Variants in RAB37 observed in about 807,000 individuals in gnomAD.
RAB37 encodes the protein RAB37, member RAS oncogene family.
In RAB37, 29 loss-of-function variants were observed where a neutral mutation model predicts 33.1. The ratio of observed to expected loss-of-function variants is 0.88; its 90% confidence interval spans 0.65 to 1.20. The LOEUF is 1.20. RAB37 is among the 50% of genes most tolerant of loss of function. RAB37 has a pLI of 0.00. For missense variants in RAB37, 299 were observed against 301.1 expected, an observed-to-expected ratio of 0.99 and a Z score of 0.05; for synonymous variants, 128 against 119.5, an observed-to-expected ratio of 1.07 and a Z score of -0.47.
At chr17:74,683,213 G>A (rs1344506943) in intron 1 of RAB37, among the ~76,000 whole-genome samples, 1 of 152,220 alleles carries the variant, frequency 6.6e-6, no homozygotes, top group African/African-American at 2.4e-5. Flanking sequence ...TATTGGGGCT[G>A]CAGAGCCAGA....
chr17:74,723,403 C>T (rs1301461094), intron 1 of RAB37, among the ~76,000 whole-genome samples: 2 of 123,146 alleles, frequency 1.6e-5, no homozygotes, highest in Non-Finnish European at 3.2e-5. Flanking sequence ...CAGGCAATTT[C>T]TTGAACTGCC....
At chr17:74,732,698 T>C (rs2034404802), upstream of RAB37, among the ~76,000 whole-genome samples, 1 of 100,924 alleles carries the variant, frequency 9.9e-6, no homozygotes, top group South Asian at 3.2e-4. Context: ...TATGGTGTGA[T>C]TTGAGGGGTG....
chr17:74,676,948 C>T lies in RAB37; in HGVS notation c.72+5290C>T, dbSNP rs573998635. Among the ~76,000 whole-genome samples, 13 of 152,050 alleles carry T rather than the reference C, an allele frequency of 8.5e-5. No homozygotes were observed. In the East Asian group the frequency reaches 1.9e-3, roughly 23 times the overall value. ...CAGGTGGATCATGAGGTCAGGAATT[C>T]GAGACCAGCTTGGCCAACATGGTGA... On this transcript the variant is annotated intron_variant, in intron 1 of 7. Transcript: ENST00000340415. The surrounding 1 kb of genome is among the most constrained non-coding windows in gnomAD (Gnocchi z 4.1).
chr17:74,697,995 A>T (rs571328656), intron 1 of RAB37, among the ~76,000 whole-genome samples: 1 of 152,228 alleles, frequency 6.6e-6, no homozygotes, highest in East Asian at 1.9e-4. Context: ...ATGTCAGCTC[A>T]GTACCTCCTT....
intron 1 of RAB37, among the ~76,000 whole-genome samples, chr17:74,719,386 G>A (rs1298906857): frequency 6.6e-6 from 1 of 152,152 alleles, no homozygotes; most frequent in Non-Finnish European, 1.5e-5. Flanking sequence ...GAGAGGTCGA[G>A]GCTGCAGTGA....
intron 1 of RAB37, chr17:74,704,947 G>A (rs533580183): frequency 7.5e-5 from 55 of 735,518 alleles, no homozygotes; most frequent in East Asian, 2.2e-4. Context: ...TACACCTTCC[G>A]CAGACAAAAC....
In RAB37 at chr17:74,745,246, G is replaced by A. The variant is rs1438640929; in HGVS notation, c.567-60G>A. On this transcript the variant is annotated intron_variant, in intron 8 of 8. Coordinates refer to ENST00000392613, the MANE Select transcript of RAB37 (RefSeq NM_001006638.3). This position sits in a 1 kb window ranked among gnomAD's most constrained non-coding sequence, Gnocchi z 4.5. ...GGGCCACTGGGAGAGGGGAGGGGGCGGCTCAGCTCCTCACCCCAGCCCAGC... is the reference window on the plus strand; with the variant it reads ...GGGCCACTGGGAGAGGGGAGGGGGCAGCTCAGCTCCTCACCCCAGCCCAGC... 9 of 1,561,080 alleles carry A rather than the reference G, an allele frequency of 5.8e-6. No individual in the cohort carries two copies. Among genetic ancestry groups the A allele is most frequent in the African/African-American group, 2.7e-5 (2 of 73,840 alleles).
At chr17:74,696,346 G>A (rs2032475372) in intron 1 of RAB37, 1 of 924,614 alleles carries the variant, frequency 1.1e-6, no homozygotes, top group Admixed American at 2.9e-5. Flanking sequence ...CAGGGACCTG[G>A]TTCTAATTCT....
At chr17:74,697,880 T>A (rs2032649199) in intron 1 of RAB37, among the ~76,000 whole-genome samples, 2 of 152,158 alleles carry the variant, frequency 1.3e-5, no homozygotes, top group Non-Finnish European at 2.9e-5. Flanking sequence ...TGTAATGTGA[T>A]GAGTGCACAT....
chr17:74,742,867 C>A lies in RAB37; in HGVS notation c.247-262C>A, dbSNP rs941887816. Among the ~76,000 whole-genome samples, 2 of 152,048 alleles carry A rather than the reference C, an allele frequency of 1.3e-5. No homozygotes were observed. The highest frequency in any genetic ancestry group is 2.9e-5 in the Non-Finnish European group (2 of 68,008). On this transcript the variant is annotated intron_variant, in intron 3 of 8. Coordinates refer to ENST00000392613, the MANE Select transcript of RAB37 (RefSeq NM_001006638.3). This position sits in a 1 kb window ranked among gnomAD's most constrained non-coding sequence, Gnocchi z 4.0. ...GTCTGGATCTCCTGACCTCGTGATCCGCCTGCCTCGGCCTCCCAAAGTGCT... is the reference window on the plus strand; with the variant it reads ...GTCTGGATCTCCTGACCTCGTGATCAGCCTGCCTCGGCCTCCCAAAGTGCT...
At chr17:74,739,136 G>A (rs1300635489) in intron 1 of RAB37, among the ~76,000 whole-genome samples, 2 of 152,154 alleles carry the variant, frequency 1.3e-5, no homozygotes, top group African/African-American at 4.8e-5. Context: ...ATGCCTTTGG[G>A]CTCCACTGTC....
At chr17:74,723,399 A>AT (rs1213379435) in intron 1 of RAB37, among the ~76,000 whole-genome samples, 2 of 150,688 alleles carry the variant, frequency 1.3e-5, no homozygotes, top group Non-Finnish European at 3.0e-5. Flanking sequence ...TTTTCAGGCA[A>AT]TTTCTTGAAC....
intron 1 of RAB37, chr17:74,698,649 AT>A: frequency 6.9e-7 from 1 of 1,459,014 alleles, no homozygotes; most frequent in African/African-American, 1.4e-5. Context: ...TGGGTTTACA[AT>A]GAGTACACAT....
At chr17:74,708,493 T>C (rs972743294) in intron 1 of RAB37, among the ~76,000 whole-genome samples, 6 of 152,304 alleles carry the variant, frequency 3.9e-5, no homozygotes, top group Non-Finnish European at 8.8e-5. Context: ...CAAATATCAC[T>C]CATTAACATA....
rs531476809 is a variant in RAB37, at chr17:74,729,637, G to T, written c.183+271G>T. Among the ~76,000 whole-genome samples, 4 of 152,078 alleles carry T rather than the reference G, an allele frequency of 2.6e-5. No homozygotes were observed. The East Asian group carries it at 7.8e-4, about 30-fold the overall frequency. On this transcript the variant is annotated intron_variant, in intron 2 of 7. Transcript: ENST00000340415. This position sits in a 1 kb window ranked among gnomAD's most constrained non-coding sequence, Gnocchi z 4.2. ...AACCCAGGGACAAAGCAGGCTGCTGGGTGAGCTGCCTGGCAGGAGCTGCGT... is the reference window on the plus strand; with the variant it reads ...AACCCAGGGACAAAGCAGGCTGCTGTGTGAGCTGCCTGGCAGGAGCTGCGT...
chr17:74,701,145 TA>T (rs2033016248), intron 1 of RAB37, among the ~76,000 whole-genome samples: 1 of 152,226 alleles, frequency 6.6e-6, no homozygotes, highest in Non-Finnish European at 1.5e-5. Flanking sequence ...GGTATTTTGT[TA>T]GGGGCAACCC....
rs2034545729 is a variant in RAB37, at chr17:74,738,995, A to G, written c.93+1630A>G. ...ATGGAAACCATGCCACAGAAAGGTTAAGGAATCTTCCTAAAGTCACACAGT... is the reference window on the plus strand; with the variant it reads ...ATGGAAACCATGCCACAGAAAGGTTGAGGAATCTTCCTAAAGTCACACAGT... On this transcript the variant is annotated intron_variant, in intron 1 of 8. Coordinates refer to ENST00000392613, the MANE Select transcript of RAB37 (RefSeq NM_001006638.3). This position sits in a 1 kb window ranked among gnomAD's most constrained non-coding sequence, Gnocchi z 5.0. 6.6e-6 allele frequency among the ~76,000 whole-genome samples: 1 copy of G among 152,292 alleles called. No individual in the cohort carries two copies. The highest frequency in any genetic ancestry group is 1.5e-5 in the Non-Finnish European group (1 of 68,002).
In RAB37 at chr17:74,729,139, G is replaced by T. The variant is rs1212815152; in HGVS notation, c.73-117G>T. On this transcript the variant is annotated intron_variant, in intron 1 of 7. Transcript: ENST00000340415. This position sits in a 1 kb window ranked among gnomAD's most constrained non-coding sequence, Gnocchi z 4.2. ...TGTGTGTGTGTGTTTCTGTGTGTGTGTGTGCATGTTGTGCACATGCGTGCT... is the reference window on the plus strand; with the variant it reads ...TGTGTGTGTGTGTTTCTGTGTGTGTTTGTGCATGTTGTGCACATGCGTGCT... The T allele has an allele frequency of 5.5e-6, 4 of 724,576 alleles. No homozygotes were observed. In the African/African-American group the frequency reaches 6.9e-5, roughly 12 times the overall value. 44.9% of individuals were successfully genotyped at this position (724,576 alleles called of 1,614,324 possible). A position where few individuals can be genotyped will look rare whatever the true frequency, so the allele number is the denominator to read the frequency against.
At chr17:74,708,260 A>G (rs1490555702) in intron 1 of RAB37, among the ~76,000 whole-genome samples, 1 of 152,218 alleles carries the variant, frequency 6.6e-6, no homozygotes, top group Non-Finnish European at 1.5e-5. Context: ...TTATATTTAA[A>G]TAAATCAAAT....
Sources: allele counts gnomAD v4.1 joint callset (sites outside exome capture counted in the v4.1 genomes callset), GRCh38; gene constraint gnomAD v4.1.1; non-coding constraint Gnocchi (gnomAD v3.1); transcripts MANE v1.5; gene names NCBI Gene and HGNC (gene_info 2026-07-23, HGNC 2026-07-21).